AFG3L2: variants seen among roughly 807,000 people sequenced by gnomAD.
AFG3L2 encodes AFG3 like matrix AAA peptidase subunit 2.
In AFG3L2, 54 loss-of-function variants were observed where a neutral mutation model predicts 94.5. The ratio of observed to expected loss-of-function variants is 0.57; its 90% CI spans 0.46 to 0.72. The LOEUF (loss-of-function observed/expected upper bound fraction) is 0.72. AFG3L2 is among the 30% of genes least tolerant of loss of function. The pLI is 0.00. For missense variants in AFG3L2, 754 were observed against 994.9 expected (o/e 0.76, Z 3.26); for synonymous variants, 377 against 365.5 (o/e 1.03, Z -0.36).
intron 13 of AFG3L2, among the ~76,000 whole-genome samples, chr18:12,347,954 G>T (rs1051109473): frequency 6.6e-6 from 1 of 152,192 alleles, no homozygotes; most frequent in African/African-American, 2.4e-5. Flanking sequence ...TAACAAACTT[G>T]ATTGGTATAG....
At chr18:12,352,381 C>T (rs1183415821) in intron 10 of AFG3L2, among the ~76,000 whole-genome samples, 2 of 152,190 alleles carry the variant, frequency 1.3e-5, no homozygotes, top group Non-Finnish European at 2.9e-5. Flanking sequence ...CCTTTCTGCA[C>T]AAACAACCAA....
intron 13 of AFG3L2, 143 bp from the exon 14 acceptor site, chr18:12,344,390 C>T (rs1908056867): frequency 2.8e-6 from 2 of 712,594 alleles, no homozygotes; most frequent in Non-Finnish European, 5.0e-6. Flanking sequence ...AATTCCTAAT[C>T]AAGGCCAGGC....
At chr18:12,373,937 A>T (rs1486059979) in intron 1 of AFG3L2, among the ~76,000 whole-genome samples, 1 of 152,180 alleles carries the variant, frequency 6.6e-6, no homozygotes, top group Non-Finnish European at 1.5e-5. Flanking sequence ...TACCACCACG[A>T]TGGGGAACAA....
At chr18:12,345,551 C>T (rs1908107268) in intron 13 of AFG3L2, among the ~76,000 whole-genome samples, 3 of 152,188 alleles carry the variant, frequency 2.0e-5, no homozygotes, top group Admixed American at 2.0e-4. Context: ...GTCTGTCTGC[C>T]GATGAACACT....
intron 16 of AFG3L2, among the ~76,000 whole-genome samples, chr18:12,333,950 G>C (rs1304636352): frequency 6.6e-6 from 1 of 152,134 alleles, no homozygotes; most frequent in African/African-American, 2.4e-5. Flanking sequence ...ACCTCTCTCT[G>C]TTAACAGCTT....
At chr18:12,371,532 A>G in intron 2 of AFG3L2, 60 bp downstream of exon 2, 2 of 1,391,484 alleles carry the variant, frequency 1.4e-6, no homozygotes, top group Non-Finnish European at 2.0e-6. Flanking sequence ...TGGGTTACAG[A>G]AGGAGACAAA....
intron 16 of AFG3L2, among the ~76,000 whole-genome samples, chr18:12,336,509 T>A (rs1907747074): frequency 6.6e-6 from 1 of 151,932 alleles, no homozygotes; most frequent in Non-Finnish European, 1.5e-5. Flanking sequence ...AAAACCCTGG[T>A]CTCCAAGGAG....
At chr18:12,360,644 G>C (rs1036498435) in intron 6 of AFG3L2, among the ~76,000 whole-genome samples, 1 of 152,232 alleles carries the variant, frequency 6.6e-6, no homozygotes, top group Non-Finnish European at 1.5e-5. Context: ...CTCTAGAGCT[G>C]CAGAGACCCA....
chr18:12,365,988 C>A (rs1209090842), intron 5 of AFG3L2, among the ~76,000 whole-genome samples: 3 of 151,134 alleles, frequency 2.0e-5, no homozygotes, highest in Non-Finnish European at 4.4e-5. Flanking sequence ...CATTCTCCTG[C>A]CTCAGACTCC....
chr18:12,347,646 G>A (rs1298534006), intron 13 of AFG3L2, among the ~76,000 whole-genome samples: 6 of 151,784 alleles, frequency 4.0e-5, no homozygotes, highest in Non-Finnish European at 8.8e-5. Context: ...TGCCTCCCGG[G>A]TTCAAGCGAT....
At chr18:12,351,493 A>G in intron 10 of AFG3L2, 80 bp from the exon 11 acceptor site, 1 of 1,191,372 alleles carries the variant, frequency 8.4e-7, no homozygotes, top group Non-Finnish European at 1.2e-6. Flanking sequence ...ACATATGAGC[A>G]CTGCAAATTC....
At chr18:12,338,486 A>G (rs554822502) in intron 15 of AFG3L2, among the ~76,000 whole-genome samples, 26 of 152,230 alleles carry the variant, frequency 1.7e-4, no homozygotes, top group Admixed American at 1.4e-3. Flanking sequence ...CAGCACCACA[A>G]AGGAGGAGGC....
In AFG3L2 at chr18:12,329,488, C is replaced by G. The variant is rs1210146429; in HGVS notation, c.*77G>C. 2 of 1,463,300 alleles carry G rather than the reference C, an allele frequency of 1.4e-6. No homozygotes were observed. The highest frequency in any genetic ancestry group is 2.8e-5 in the African/African-American group (2 of 71,642). The allele number at this position is 1,463,300 out of a possible 1,614,324, so 90.6% of individuals were successfully genotyped here. ...CTAAAATCAGCGCAGCATTCCCATT[C>G]TTCTGAAAGCCACAGCTGAAATAAT... On this transcript the variant is annotated 3_prime_UTR_variant, in exon 17 of 17. Coordinates refer to ENST00000269143, the MANE Select transcript of AFG3L2 (RefSeq NM_006796.3).
In AFG3L2 at chr18:12,371,947, A is replaced by G. The variant is rs368585497; in HGVS notation, c.115-256T>C. Among the ~76,000 whole-genome samples, 173 of 152,344 alleles carry G rather than the reference A, an allele frequency of 1.1e-3. 1 individual carries two copies. The highest frequency in any genetic ancestry group is 4.0e-3 in the African/African-American group (167 of 41,582). On this transcript the variant is annotated intron_variant, in intron 1 of 16. Transcript: ENST00000269143. ...AAATCAGACATAATGTAGAATTGCA[A>G]TCCAATTATAATTATGTGACAACAC...
intron 16 of AFG3L2, among the ~76,000 whole-genome samples, chr18:12,336,516 G>A (rs921557324): frequency 1.3e-5 from 2 of 152,130 alleles, no homozygotes; most frequent in Admixed American, 6.6e-5. Context: ...TGGTCTCCAA[G>A]GAGACCGATT....
intron 2 of AFG3L2, among the ~76,000 whole-genome samples, 199 bp from the exon 3 acceptor site, chr18:12,371,125 C>T (rs984726172): frequency 7.2e-5 from 11 of 152,034 alleles, no homozygotes; most frequent in Admixed American, 5.9e-4. Context: ...CCAGCCTGCC[C>T]AACATGGCGA....
intron 12 of AFG3L2, among the ~76,000 whole-genome samples, chr18:12,349,006 C>T (rs1268187047): frequency 6.6e-6 from 1 of 152,178 alleles, no homozygotes; most frequent in African/African-American, 2.4e-5. Flanking sequence ...ATCCCTGGAA[C>T]AAGATGATCA....
chr18:12,370,054 CA>C (rs796293157), intron 3 of AFG3L2, among the ~76,000 whole-genome samples: 1,346 of 35,936 alleles, frequency 0.037, 5 homozygotes, highest in African/African-American at 0.071. Context: ...GACTCTGTCT[CA>C]AAAAAAAAAA....
chr18:12,369,795 G>A (rs937340319), intron 3 of AFG3L2, among the ~76,000 whole-genome samples: 1 of 151,624 alleles, frequency 6.6e-6, no homozygotes, highest in African/African-American at 2.4e-5. Flanking sequence ...GGTGGCTCAC[G>A]CCTGTAATCC....
Sources: gnomAD v4.1 joint callset for allele counts (sites outside exome capture counted in the v4.1 genomes callset) on GRCh38, gnomAD v4.1.1 for gene constraint, MANE v1.5 for transcripts, NCBI Gene and HGNC (gene_info 2026-07-23, HGNC 2026-07-21) for gene names.